Variants in LMF1 observed in about 807,000 individuals in gnomAD.
The protein encoded by LMF1 is lipase maturation factor 1, also known as transmembrane protein 112.
A neutral mutation model predicts 60.6 loss-of-function variants in LMF1; 68 were observed. The ratio of observed to expected loss-of-function variants is 1.12; its 90% CI spans 0.92 to 1.37. The LOEUF (loss-of-function observed/expected upper bound fraction) is 1.37, where lower values mean the gene tolerates loss of function less well. LMF1 is among the 40% of genes most tolerant of loss of function. The probability of loss-of-function intolerance (pLI) is 0.00; values close to 1 mark genes in which losing one functional copy is unlikely to be tolerated. For synonymous variants in LMF1, 418 were observed against 324.7 expected, an observed-to-expected ratio of 1.29 and a Z score of -3.09; for missense variants, 948 against 767.2, an observed-to-expected ratio of 1.24 and a Z score of -2.78.
chr16:855,682 C>T (rs755340840), intron 10 of LMF1: 13 of 455,710 alleles, frequency 2.9e-5, no homozygotes, highest in Non-Finnish European at 4.4e-5. Flanking sequence ...AGAGCTGGGC[C>T]CCAGCTGCCC....
intron 10 of LMF1, among the ~76,000 whole-genome samples, chr16:862,491 GATATTGGCTTGTA>G (rs1314143215): frequency 6.6e-6 from 1 of 152,122 alleles, no homozygotes; most frequent in African/African-American, 2.4e-5. Flanking sequence ...ATCACTGAGG[GATATTGGCTTGTA>G]ATATTATTTT....
At chr16:910,709 G>C (rs1355707593) in intron 4 of LMF1, among the ~76,000 whole-genome samples, 4 of 152,296 alleles carry the variant, frequency 2.6e-5, no homozygotes, top group African/African-American at 4.8e-5. Context: ...TTCTGTCCCA[G>C]AAACAGGGAT....
chr16:925,757 T>C (rs1485933235), intron 3 of LMF1, among the ~76,000 whole-genome samples: 2 of 152,192 alleles, frequency 1.3e-5, no homozygotes, highest in Non-Finnish European at 2.9e-5. Context: ...TATATATATA[T>C]GCTTTTCTTC....
chr16:880,989 G>A (rs942586285), intron 5 of LMF1, among the ~76,000 whole-genome samples: 10 of 152,180 alleles, frequency 6.6e-5, no homozygotes, highest in African/African-American at 2.4e-4. Flanking sequence ...ACCCCACTAG[G>A]GACAACAATG....
chr16:976,911 G>T (rs757802509), intron 1 of LMF1: 6 of 454,036 alleles, frequency 1.3e-5, no homozygotes, highest in African/African-American at 1.2e-4. Flanking sequence ...GCGGGTTCAC[G>T]GATCAGGAGG....
rs145008721 is a variant in LMF1, at chr16:868,996, C to T, written c.1477G>A (p.Glu493Lys). 41 of 1,612,534 alleles carry T rather than the reference C, an allele frequency of 2.5e-5. No individual in the cohort carries two copies. The highest frequency in any genetic ancestry group is 6.7e-5 in the African/African-American group (5 of 75,046). ...TTGTGTGCCAGCAGGGACAAGGCCT[C>T]GGCGTCGCTGGCCAGGAGCTTGCCA... is the stretch of plus-strand genomic sequence containing the variant. ...LAGKLLASDA[E>K]ALSLLAHNPF... is the part of the protein sequence containing the mutation. Residue 493 changes from glutamate (E) to lysine (K), a missense_variant, in exon 10 of 11, where the codon GAG (glutamate) becomes AAG (lysine). Transcript: ENST00000262301.
intron 5 of LMF1, among the ~76,000 whole-genome samples, chr16:892,769 C>T (rs892099618): frequency 1.3e-5 from 2 of 152,202 alleles, no homozygotes; most frequent in African/African-American, 2.4e-5. Flanking sequence ...GTGCAGGAAC[C>T]AGAGCAAACC....
intron 10 of LMF1, among the ~76,000 whole-genome samples, chr16:856,752 G>C (rs1465486325): frequency 6.6e-6 from 1 of 152,276 alleles, no homozygotes; most frequent in Non-Finnish European, 1.5e-5. Flanking sequence ...TTTCATTCCT[G>C]CAGACAAAGT....
chr16:888,219 C>T (rs771540536), intron 5 of LMF1, among the ~76,000 whole-genome samples: 19 of 152,304 alleles, frequency 1.2e-4, no homozygotes, highest in Middle Eastern at 3.4e-3. Flanking sequence ...CCGTGGGTCC[C>T]TGCCCGCCCA....
At chr16:926,384 CAT>C (rs1383858994) in intron 3 of LMF1, among the ~76,000 whole-genome samples, 1 of 152,052 alleles carries the variant, frequency 6.6e-6, no homozygotes, top group Non-Finnish European at 1.5e-5. Flanking sequence ...TGCATTGTGT[CAT>C]GTGTGTAGTT....
chr16:871,983 G>A (rs1318048816), intron 6 of LMF1: 1 of 152,308 alleles, frequency 6.6e-6, no homozygotes, highest in Non-Finnish European at 1.5e-5. Context: ...GAGTAAACCT[G>A]CGGCAGGAGG....
chr16:975,813 G>C (rs1262702509), upstream of LMF1: 1 of 454,012 alleles, frequency 2.2e-6, no homozygotes, highest in South Asian at 1.6e-5. Context: ...TGGGTCTCTG[G>C]AACGTTCCAT....
chr16:937,015 G>A lies in LMF1; in HGVS notation c.504-2761C>T, dbSNP rs537196124. ...CTTTTATCAGAAGGGACCAAGGCCTGGAAGAGTTTCAGTGACTCAGGGCCA... is the reference window on the plus strand; with the variant it reads ...CTTTTATCAGAAGGGACCAAGGCCTAGAAGAGTTTCAGTGACTCAGGGCCA... On this transcript the variant is annotated intron_variant, in intron 2 of 10. Transcript: ENST00000262301. Among the ~76,000 whole-genome samples the A allele has an allele frequency of 2.3e-4, 35 of 152,242 alleles. 1 individual carries two copies. The highest frequency in any genetic ancestry group is 1.5e-3 in the Admixed American group (23 of 15,292).
Position 954,307 on chromosome 16 carries a change from C to T in LMF1, c.503+50G>A, listed in dbSNP as rs754082603. On this transcript the variant is annotated intron_variant, in intron 2 of 10. Transcript: ENST00000262301. Reference sequence around the variant, plus strand: ...TGCCAGGACACCTGCAGTGCCTGTGCTGAGTGACAGCAAGCCCTAAGCTCC... The same window carrying T: ...TGCCAGGACACCTGCAGTGCCTGTGTTGAGTGACAGCAAGCCCTAAGCTCC... The T allele has an allele frequency of 3.8e-6, 6 of 1,563,416 alleles. No individual in the cohort carries two copies. The Admixed American group carries it at 1.0e-4, about 27-fold the overall frequency.
At chr16:934,217 A>G (rs1597027111) in intron 3 of LMF1, 27 bp downstream of exon 3, 6 of 1,599,390 alleles carry the variant, frequency 3.8e-6, no homozygotes, top group Non-Finnish European at 4.2e-6. Context: ...ACTCTCGCAG[A>G]GCTTTCTCTA....
intron 2 of LMF1, among the ~76,000 whole-genome samples, chr16:943,268 G>A (rs1456725559): frequency 1.3e-5 from 2 of 151,886 alleles, no homozygotes; most frequent in African/African-American, 2.4e-5. Context: ...CTACTCAGGA[G>A]GCTGAGGCAG....
rs993502989 is a variant in LMF1 at position 874,358 on chromosome 16, G to A, written c.898-3017C>T. ...CAAGGAGCCCTTTGGGCAGGGCGGG[G>A]TGGGGTGGGGCCGGACAGCCCGCTG... On this transcript the variant is annotated intron_variant, in intron 6 of 10. Coordinates refer to ENST00000262301, the MANE Select transcript of LMF1 (RefSeq NM_022773.4). The surrounding 1 kb of genome is among the most constrained non-coding windows in gnomAD (Gnocchi z 4.1). Among the ~76,000 whole-genome samples the A allele has an allele frequency of 6.6e-6, 1 of 151,822 alleles. No homozygotes were observed. Among genetic ancestry groups the A allele is most frequent in the Non-Finnish European group, 1.5e-5 (1 of 67,912 alleles).
intron 1 of LMF1, chr16:976,380 C>T (rs1249955463): frequency 6.6e-6 from 3 of 454,010 alleles, no homozygotes; most frequent in Non-Finnish European, 1.3e-5. Context: ...ACAGCACCCT[C>T]CTGTACACGG....
At chr16:896,669 G>C (rs968166094) in intron 4 of LMF1, among the ~76,000 whole-genome samples, 1 of 152,130 alleles carries the variant, frequency 6.6e-6, no homozygotes, top group Admixed American at 6.6e-5. Flanking sequence ...GGCTCCACCG[G>C]GCAGGGGCAC....
Sources: allele counts gnomAD v4.1 joint callset (sites outside exome capture counted in the v4.1 genomes callset), GRCh38; gene constraint gnomAD v4.1.1; non-coding constraint Gnocchi (gnomAD v3.1); transcripts MANE v1.5; gene names NCBI Gene and HGNC (gene_info 2026-07-23, HGNC 2026-07-21).